The following RSPO2 variants were observed in gnomAD, a reference collection of about 807,000 sequenced individuals.
The protein encoded by RSPO2 is R-spondin-2.
In RSPO2, 14 loss-of-function variants were observed where a neutral mutation model predicts 30.9. That is an observed-to-expected ratio of 0.45 (90% CI 0.30 to 0.71). The LOEUF is 0.71. Ranked by LOEUF, RSPO2 falls within the 30% of genes least tolerant of loss-of-function variation. RSPO2 has a pLI of 0.08. For missense variants in RSPO2, 264 were observed against 301.9 expected (o/e 0.87, Z 0.93); for synonymous variants, 107 against 96.4 (o/e 1.11, Z -0.64).
At chr8:107,906,233 T>C (rs1382441437) in intron 5 of RSPO2, among the ~76,000 whole-genome samples, 2 of 151,974 alleles carry the variant, frequency 1.3e-5, no homozygotes, top group African/African-American at 4.8e-5. Context: ...CAGGGATCTT[T>C]AATACTGAAA....
chr8:107,966,336 C>A (rs947374647), intron 3 of RSPO2, among the ~76,000 whole-genome samples: 1 of 152,014 alleles, frequency 6.6e-6, no homozygotes, highest in Non-Finnish European at 1.5e-5. Flanking sequence ...CATAGAAGCA[C>A]AGATGAGAAA....
intron 5 of RSPO2, among the ~76,000 whole-genome samples, chr8:107,932,285 G>A (rs1040262736): frequency 6.6e-6 from 1 of 152,094 alleles, no homozygotes; most frequent in African/African-American, 2.4e-5. Flanking sequence ...TGGAATTGGT[G>A]ACCAAATGTA....
At chr8:107,962,389 T>C (rs1163174620) in intron 3 of RSPO2, among the ~76,000 whole-genome samples, 3 of 152,174 alleles carry the variant, frequency 2.0e-5, no homozygotes, top group Non-Finnish European at 4.4e-5. Flanking sequence ...ACAGGCTTCT[T>C]TGTATTAAAT....
intron 2 of RSPO2, among the ~76,000 whole-genome samples, chr8:108,024,711 C>T (rs1006242118): frequency 6.6e-6 from 1 of 152,078 alleles, no homozygotes; most frequent in Admixed American, 6.6e-5. Flanking sequence ...TTTACGTACT[C>T]AACAGATAAT....
intron 5 of RSPO2, among the ~76,000 whole-genome samples, chr8:107,919,946 T>G (rs986368696): frequency 1.3e-5 from 2 of 152,246 alleles, no homozygotes; most frequent in South Asian, 2.1e-4. Context: ...ATGAAGAACA[T>G]TTTTCACTGA....
chr8:107,953,592 C>A (rs1227965183), intron 5 of RSPO2, among the ~76,000 whole-genome samples: 1 of 152,092 alleles, frequency 6.6e-6, no homozygotes, highest in African/African-American at 2.4e-5. Flanking sequence ...TGTTGGACAA[C>A]CATGGCTTTA....
intron 2 of RSPO2, among the ~76,000 whole-genome samples, chr8:108,011,243 AG>A (rs1810702864): frequency 6.6e-6 from 1 of 151,952 alleles, no homozygotes; most frequent in Non-Finnish European, 1.5e-5. Context: ...GGAAAAGGAA[AG>A]GAAAGGAAAG....
chr8:107,962,787 T>C (rs1050432619), intron 3 of RSPO2, among the ~76,000 whole-genome samples: 5 of 150,610 alleles, frequency 3.3e-5, no homozygotes, highest in African/African-American at 9.7e-5. Context: ...AGGGTGAAGA[T>C]GAAAAAAAAA....
At chr8:108,059,974 C>A (rs2130700743) in intron 2 of RSPO2, among the ~76,000 whole-genome samples, 1 of 151,074 alleles carries the variant, frequency 6.6e-6, no homozygotes, top group East Asian at 1.9e-4. Flanking sequence ...GCACATTGTG[C>A]ACATGTACCC....
At chr8:107,901,230 C>T in intron 5 of RSPO2, 40 bp from the exon 6 acceptor site, 1 of 1,571,204 alleles carries the variant, frequency 6.4e-7, no homozygotes, top group Non-Finnish European at 8.6e-7. Flanking sequence ...TCAGAAATGG[C>T]TCTTTCTCTA....
chr8:108,053,699 G>C (rs574954104), intron 2 of RSPO2, among the ~76,000 whole-genome samples: 2 of 152,204 alleles, frequency 1.3e-5, no homozygotes, highest in South Asian at 4.1e-4. Context: ...CTTAATATGT[G>C]ATTAAAATCC....
chr8:108,082,758 C>T lies in RSPO2; in HGVS notation c.-120G>A, dbSNP rs1813250174. 2 of 720,080 alleles carry T rather than the reference C, an allele frequency of 2.8e-6. No homozygotes were observed. The highest frequency in any genetic ancestry group is 4.7e-6 in the Non-Finnish European group (2 of 423,716). 44.6% of individuals were successfully genotyped at this position (720,080 alleles called of 1,614,324 possible). A position where few individuals can be genotyped will look rare whatever the true frequency, so the allele number is the denominator to read the frequency against. Reference sequence around the variant, plus strand: ...TCAGAGGGAGACTCGCCACTCACCCCCGGGCCGCACCGGTCAGTTCAGCGC... The same window carrying T: ...TCAGAGGGAGACTCGCCACTCACCCTCGGGCCGCACCGGTCAGTTCAGCGC... On this transcript the variant is annotated 5_prime_UTR_variant, in exon 2 of 6. Coordinates refer to ENST00000276659, the MANE Select transcript of RSPO2 (RefSeq NM_178565.5).
At chr8:108,024,138 T>C (rs1811133012) in intron 2 of RSPO2, among the ~76,000 whole-genome samples, 2 of 58,712 alleles carry the variant, frequency 3.4e-5, no homozygotes, top group African/African-American at 4.4e-4. Context: ...TACAAAGAAA[T>C]AAAAAAACAA....
intron 2 of RSPO2, among the ~76,000 whole-genome samples, chr8:108,017,730 AAAG>A (rs1810938949): frequency 6.6e-6 from 1 of 152,216 alleles, no homozygotes; most frequent in Non-Finnish European, 1.5e-5. Flanking sequence ...ATTTTAAAAC[AAAG>A]AATATGGTTA....
chr8:107,924,944 A>G (rs571897841), intron 5 of RSPO2, among the ~76,000 whole-genome samples: 4 of 152,234 alleles, frequency 2.6e-5, no homozygotes, highest in Non-Finnish European at 4.4e-5. Context: ...GAGGTAGGGA[A>G]GTATTCTTCA....
intron 2 of RSPO2, among the ~76,000 whole-genome samples, chr8:108,024,640 G>A (rs1811149653): frequency 6.6e-6 from 1 of 152,038 alleles, no homozygotes; most frequent in Admixed American, 6.6e-5. Context: ...GAAGGGATGG[G>A]GTATGAAAAG....
At chr8:107,933,126 T>C (rs747354640) in intron 5 of RSPO2, among the ~76,000 whole-genome samples, 22 of 152,262 alleles carry the variant, frequency 1.4e-4, no homozygotes, top group Admixed American at 2.6e-4. Context: ...CTAACAGCCA[T>C]GATGCAACTT....
At chr8:107,922,262 T>A (rs1812197653) in intron 5 of RSPO2, among the ~76,000 whole-genome samples, 1 of 152,128 alleles carries the variant, frequency 6.6e-6, no homozygotes, top group African/African-American at 2.4e-5. Context: ...AGTCTCAGGA[T>A]ACAAAATCAA....
At chr8:107,997,794 T>C (rs1203170752) in intron 2 of RSPO2, among the ~76,000 whole-genome samples, 1 of 152,264 alleles carries the variant, frequency 6.6e-6, no homozygotes, top group African/African-American at 2.4e-5. Flanking sequence ...ATTCTGGTAT[T>C]CTAAAGTCTG....
Sources: allele counts gnomAD v4.1 joint callset (sites outside exome capture counted in the v4.1 genomes callset), GRCh38; gene constraint gnomAD v4.1.1; transcripts MANE v1.5; gene names NCBI Gene and HGNC (gene_info 2026-07-23, HGNC 2026-07-21).